Variants in ULK4 observed in about 807,000 individuals in gnomAD.
ULK4 encodes the protein unc-51 like kinase 4, also known as inactive serine/threonine-protein kinase ULK4.
In ULK4, 133 loss-of-function variants were observed where a neutral mutation model predicts 160.6. The observed-to-expected ratio is 0.83, with a 90% CI of 0.72 to 0.96. The LOEUF (loss-of-function observed/expected upper bound fraction) is 0.96, where lower values mean the gene tolerates loss of function less well. Among genes scored for constraint, ULK4 ranks in the 40% least tolerant of loss-of-function variants. The pLI is 0.00. For missense variants in ULK4, 1,580 were observed against 1,499.5 expected (o/e 1.05, Z -0.89); for synonymous variants, 534 against 539.8 (o/e 0.99, Z 0.15).
At chr3:41,656,966 T>A (rs986480863) in intron 30 of ULK4, among the ~76,000 whole-genome samples, 1 of 152,186 alleles carries the variant, frequency 6.6e-6, no homozygotes, top group African/African-American at 2.4e-5. Flanking sequence ...TTGCTTTCTC[T>A]GAGAGGAATG....
intron 35 of ULK4, among the ~76,000 whole-genome samples, chr3:41,311,373 A>C (rs2080044792): frequency 6.6e-6 from 1 of 152,138 alleles, no homozygotes; most frequent in Admixed American, 6.5e-5. Flanking sequence ...TAAAGTAGGC[A>C]GAAAAGCGTG....
chr3:41,893,087 T>G (rs1179192710), intron 16 of ULK4, among the ~76,000 whole-genome samples: 1 of 152,172 alleles, frequency 6.6e-6, no homozygotes, highest in Non-Finnish European at 1.5e-5. Flanking sequence ...GTACTCACCA[T>G]AAGCAAATTC....
intron 25 of ULK4, among the ~76,000 whole-genome samples, chr3:41,711,543 G>T (rs1409425323): frequency 6.6e-6 from 1 of 152,184 alleles, no homozygotes; most frequent in African/African-American, 2.4e-5. Context: ...GAGTGCACTA[G>T]CTCTGGCTTT....
chr3:41,780,885 C>CA (rs2039817730), intron 21 of ULK4, among the ~76,000 whole-genome samples: 1 of 151,974 alleles, frequency 6.6e-6, no homozygotes, highest in Non-Finnish European at 1.5e-5. Context: ...CCCAGAGACA[C>CA]AGAGTTCCAA....
chr3:41,957,055 G>T (rs1244173166), intron 1 of ULK4, among the ~76,000 whole-genome samples: 1 of 152,116 alleles, frequency 6.6e-6, no homozygotes, highest in African/African-American at 2.4e-5. Flanking sequence ...AGTAAATAAG[G>T]ACTTGATGTA....
intron 27 of ULK4, among the ~76,000 whole-genome samples, chr3:41,682,050 G>A (rs1010250369): frequency 6.6e-6 from 1 of 152,122 alleles, no homozygotes; most frequent in African/African-American, 2.4e-5. Context: ...AAAACCTTCA[G>A]GGTCTATGAA....
chr3:41,833,274 GT>G (rs544697085), intron 18 of ULK4, among the ~76,000 whole-genome samples: 9,737 of 134,986 alleles, frequency 0.072, 883 homozygotes, highest in African/African-American at 0.24. Flanking sequence ...TTCTTAAGTT[GT>G]TTTTTTTTTT....
chr3:41,856,537 G>A (rs6599183), intron 17 of ULK4, among the ~76,000 whole-genome samples: 70 of 87,824 alleles, frequency 8.0e-4, no homozygotes, highest in Non-Finnish European at 1.5e-3. Context: ...ATATATGTAT[G>A]TATATATATA....
chr3:41,318,023 ATC>A (rs2080178370), intron 35 of ULK4, among the ~76,000 whole-genome samples: 1 of 152,200 alleles, frequency 6.6e-6, no homozygotes, highest in Non-Finnish European at 1.5e-5. Context: ...TAATCGCTAT[ATC>A]TACCACTGTT....
At chr3:41,694,918 G>A (rs934932757) in intron 27 of ULK4, among the ~76,000 whole-genome samples, 3 of 152,130 alleles carry the variant, frequency 2.0e-5, no homozygotes, top group African/African-American at 2.4e-5. Flanking sequence ...GTGTTCATAC[G>A]CATATGTGTT....
intron 29 of ULK4, among the ~76,000 whole-genome samples, chr3:41,678,848 G>A (rs2035824354): frequency 6.6e-6 from 1 of 152,100 alleles, no homozygotes; most frequent in Non-Finnish European, 1.5e-5. Context: ...ATTGAAGTGG[G>A]TGCTATATAG....
chr3:41,709,468 C>T lies in ULK4; in HGVS notation c.2635-4163G>A, dbSNP rs1466682546. Among the ~76,000 whole-genome samples, 16 of 152,240 alleles carry T rather than the reference C, an allele frequency of 1.1e-4. 1 individual carries two copies. The highest frequency in any genetic ancestry group is 3.4e-4 in the African/African-American group (14 of 41,552). The stretch of plus-strand genomic sequence containing the variant: ...CTGGCATGATCTCGGTTCACTGCAA[C>T]CTCCGCCTCCCGGGTTCAAGAGATT... On this transcript the variant is annotated intron_variant, in intron 25 of 36. Coordinates refer to ENST00000301831, the MANE Select transcript of ULK4 (RefSeq NM_017886.4).
chr3:41,616,074 G>A (rs1322339662), intron 30 of ULK4, among the ~76,000 whole-genome samples: 2 of 152,060 alleles, frequency 1.3e-5, no homozygotes, highest in Non-Finnish European at 2.9e-5. Flanking sequence ...ATCATAAAAT[G>A]ACACACTGTA....
intron 34 of ULK4, among the ~76,000 whole-genome samples, chr3:41,407,018 G>A (rs1171697728): frequency 6.6e-6 from 1 of 152,138 alleles, no homozygotes; most frequent in African/African-American, 2.4e-5. Context: ...AAGTTGAGGA[G>A]ACAGAGCAAA....
chr3:41,451,861 C>T (rs1455204589), intron 34 of ULK4, among the ~76,000 whole-genome samples: 6 of 152,052 alleles, frequency 3.9e-5, no homozygotes, highest in African/African-American at 7.3e-5. Flanking sequence ...GAATCAAAAA[C>T]GGAAGGTGTC....
rs560536141 is a variant in ULK4, at chr3:41,927,578, A to T, written c.541+4266T>A. Among the ~76,000 whole-genome samples the T allele has an allele frequency of 3.9e-5, 6 of 151,988 alleles. No homozygotes were observed. In the East Asian group the frequency reaches 7.8e-4, roughly 20 times the overall value. Reference sequence around the variant, plus strand: ...CAAATTGAATGAAGAGTTAAGACCCATCAGTGTGCTGTATTCAGGAGACCC... The same window carrying T: ...CAAATTGAATGAAGAGTTAAGACCCTTCAGTGTGCTGTATTCAGGAGACCC... On this transcript the variant is annotated intron_variant, in intron 5 of 36. Coordinates refer to ENST00000301831, the MANE Select transcript of ULK4 (RefSeq NM_017886.4).
At chr3:41,613,849 G>A (rs1002274120) in intron 31 of ULK4, among the ~76,000 whole-genome samples, 7 of 152,174 alleles carry the variant, frequency 4.6e-5, no homozygotes, top group Non-Finnish European at 1.0e-4. Context: ...GAACTGTTCT[G>A]GTTAGAAAAA....
intron 31 of ULK4, among the ~76,000 whole-genome samples, chr3:41,599,197 A>C (rs1288730125): frequency 6.6e-6 from 1 of 152,186 alleles, no homozygotes; most frequent in African/African-American, 2.4e-5. Flanking sequence ...TAGGATGAGG[A>C]TAATTAATAT....
chr3:41,862,775 CTCTCTCTCTCCGCTCCCCCCCCCCTT>C (rs1020917631), intron 17 of ULK4, among the ~76,000 whole-genome samples: 6 of 133,852 alleles, frequency 4.5e-5, no homozygotes, highest in Non-Finnish European at 7.4e-5. Flanking sequence ...GTCTCTCTCT[CTCTCTCTCTCCGCTCCCCCCCCCCTT>C]TCTCTCTCTC....
Sources: allele counts gnomAD v4.1 joint callset (sites outside exome capture counted in the v4.1 genomes callset), GRCh38; gene constraint gnomAD v4.1.1; transcripts MANE v1.5; gene names NCBI Gene and HGNC (gene_info 2026-07-23, HGNC 2026-07-21).